The following TMEM179 variants were observed in gnomAD, a reference collection of about 807,000 sequenced individuals.
The protein encoded by TMEM179 is transmembrane protein 179A.
A neutral mutation model predicts 22.2 loss-of-function variants in TMEM179; 17 were observed. That is an observed-to-expected ratio of 0.77 (90% CI 0.52 to 1.15). The LOEUF is 1.15. TMEM179 is among the 50% of genes most tolerant of loss of function. The pLI, the probability that TMEM179 is intolerant of heterozygous loss-of-function variation, is 0.00. For synonymous variants in TMEM179, 127 were observed against 140.5 expected (o/e 0.90, Z 0.68); for missense variants, 265 against 313.6 (o/e 0.84, Z 1.17).
intron 1 of TMEM179, among the ~76,000 whole-genome samples, chr14:104,600,868 C>A (rs1218010551): frequency 6.6e-6 from 1 of 152,228 alleles, no homozygotes; most frequent in Non-Finnish European, 1.5e-5. Flanking sequence ...GCCTTGCCCT[C>A]ACACTGGCAG....
At chr14:104,594,347 C>T (rs1886945759) in intron 3 of TMEM179, 2 of 1,231,724 alleles carry the variant, frequency 1.6e-6, no homozygotes, top group Non-Finnish European at 2.0e-6. Flanking sequence ...TCAGGCCAGC[C>T]ACGGCCAGCA....
At chr14:104,603,333 C>T (rs1887300980) in intron 1 of TMEM179, among the ~76,000 whole-genome samples, 1 of 152,096 alleles carries the variant, frequency 6.6e-6, no homozygotes, top group South Asian at 2.1e-4. Context: ...TTCTCATCTC[C>T]CACCTGCGTG....
chr14:104,594,848 A>T (rs1886963246), intron 3 of TMEM179: 9 of 1,309,460 alleles, frequency 6.9e-6, no homozygotes, highest in Non-Finnish European at 7.8e-6. Flanking sequence ...CCAGGATCTG[A>T]TGCCTGGTTT....
chr14:104,597,187 C>A lies in TMEM179; in HGVS notation c.306-60G>T. On this transcript the variant is annotated intron_variant, in intron 1 of 3. Transcript: ENST00000556573. The surrounding 1 kb of genome is among the most constrained non-coding windows in gnomAD (Gnocchi z 4.8). ...ACACCACCTCCCAGGCGACCCCCGC[C>A]CCCAGGCTGCAGCCAGAAACAGGAG... is the stretch of plus-strand genomic sequence containing the variant. 6.6e-7 allele frequency: 1 copy of A among 1,519,694 alleles called. No individual in the cohort carries two copies. 94.1% of individuals were successfully genotyped at this position (1,519,694 alleles called of 1,614,324 possible).
rs1887069109 is a variant in TMEM179, at chr14:104,597,374, ACCTTCCCAAAGACCCAGGACCTGGAAC to A, written c.306-274_306-248del. 1.3e-5 allele frequency among the ~76,000 whole-genome samples: 2 copies of A among 151,932 alleles called. No homozygotes were observed. The highest frequency in any genetic ancestry group is 6.5e-5 in the Admixed American group (1 of 15,274). ...GTGCCCACCCTGGGCTGCAGGTCAC[ACCTTCCCAAAGACCCAGGACCTGGAAC>A]CCTGGTCCCCACCATTTCATAAAAG... On this transcript the variant is annotated intron_variant, in intron 1 of 3. Transcript: ENST00000556573. The surrounding 1 kb of genome is among the most constrained non-coding windows in gnomAD (Gnocchi z 4.8).
At position 104,595,117 on chromosome 14, in the gene TMEM179, G is replaced by A; in HGVS notation, c.522+48C>T. ...CTCAGCAAATGTCCAGCAGTAAATGGCCCCCTCCCAGCATTGCAAGCCTCC... is the reference window on the plus strand; with the variant it reads ...CTCAGCAAATGTCCAGCAGTAAATGACCCCCTCCCAGCATTGCAAGCCTCC... On this transcript the variant is annotated intron_variant, in intron 3 of 3. Coordinates refer to ENST00000556573, the MANE Select transcript of TMEM179 (RefSeq NM_001286389.2). The surrounding 1 kb of genome is among the most constrained non-coding windows in gnomAD (Gnocchi z 5.7). 6 of 1,611,892 alleles carry A rather than the reference G, an allele frequency of 3.7e-6. No individual in the cohort carries two copies. The highest frequency in any genetic ancestry group is 5.1e-6 in the Non-Finnish European group (6 of 1,179,086).
chr14:104,596,902 G>C (rs1002667666), intron 2 of TMEM179, 88 bp downstream of exon 2: 1 of 1,519,566 alleles, frequency 6.6e-7, no homozygotes, highest in East Asian at 2.3e-5. Context: ...GATGGGCTTC[G>C]TGAGGGAAGA....
chr14:104,591,295 C>A lies in TMEM179; in HGVS notation c.*2184G>T, dbSNP rs531408904. On this transcript the variant is annotated 3_prime_UTR_variant, in exon 4 of 4. Coordinates refer to ENST00000556573, the MANE Select transcript of TMEM179 (RefSeq NM_001286389.2). The stretch of plus-strand genomic sequence containing the variant: ...GCCAAGCCTCAGGTTCCAGAAGCCA[C>A]CCCTGCCTCCTGCCCCTCCTTCAGG... 4 of 447,270 alleles carry A rather than the reference C, an allele frequency of 8.9e-6. No individual in the cohort carries two copies. The East Asian group carries it at 2.1e-4, about 23-fold the overall frequency. 27.7% of individuals were successfully genotyped at this position (447,270 alleles called of 1,614,324 possible). A position where few individuals can be genotyped will look rare whatever the true frequency, so the allele number is the denominator to read the frequency against.
intron 3 of TMEM179, chr14:104,594,466 C>T: frequency 8.1e-7 from 1 of 1,231,836 alleles, no homozygotes; most frequent in East Asian, 3.2e-5. Flanking sequence ...CCACCCGGCA[C>T]CCCTCATCTG....
At position 104,596,334 on chromosome 14, in the gene TMEM179, C is replaced by A. The variant is rs1277564298; in HGVS notation, c.443+656G>T. Among the ~76,000 whole-genome samples the A allele has an allele frequency of 2.0e-5, 3 of 152,332 alleles. No homozygotes were observed. The East Asian group carries it at 5.8e-4, about 29-fold the overall frequency. On this transcript the variant is annotated intron_variant, in intron 2 of 3. Coordinates refer to ENST00000556573, the MANE Select transcript of TMEM179 (RefSeq NM_001286389.2). ...GGGGCATCCCACTGTGGGGGGCAGG[C>A]AGTCACTGTGCTCCACTCTGGGGCC...
rs766248664 is a variant in TMEM179, at chr14:104,595,063, G to A, written c.522+102C>T. 6.3e-7 allele frequency: 1 copy of A among 1,583,718 alleles called. No homozygotes were observed. On this transcript the variant is annotated intron_variant, in intron 3 of 3. Coordinates refer to ENST00000556573, the MANE Select transcript of TMEM179 (RefSeq NM_001286389.2). The surrounding 1 kb of genome is among the most constrained non-coding windows in gnomAD (Gnocchi z 5.7). ...TGCTAACTACCTTATCCACACAGGA[G>A]CCTGCCTCCTCCTCTGGATGGGGGA...
rs1164297484 is a variant in TMEM179, at chr14:104,595,447, TC to T, written c.444-205del. Among the ~76,000 whole-genome samples, 1 of 152,068 alleles carries T rather than the reference TC, an allele frequency of 6.6e-6. No individual in the cohort carries two copies. The highest frequency in any genetic ancestry group is 2.4e-5 in the African/African-American group (1 of 41,410). ...AGGACAGCCTTTGGGGAAGGAAACC[TC>T]CAGGCCCCTCCCTGTCCTGGCCCTG... On this transcript the variant is annotated intron_variant, in intron 2 of 3. Transcript: ENST00000556573. The surrounding 1 kb of genome is among the most constrained non-coding windows in gnomAD (Gnocchi z 5.7).
intron 3 of TMEM179, 139 bp from the exon 4 acceptor site, chr14:104,593,797 G>T: frequency 9.7e-7 from 1 of 1,028,634 alleles, no homozygotes; most frequent in Non-Finnish European, 1.3e-6. Flanking sequence ...ACATGGGGCA[G>T]GGCCAGCTCC....
chr14:104,591,273 A>G lies in TMEM179; in HGVS notation c.*2206T>C, dbSNP rs1193756078. The G allele has an allele frequency of 1.6e-5, 7 of 434,506 alleles. No individual in the cohort carries two copies. Among genetic ancestry groups the G allele is most frequent in the Non-Finnish European group, 2.7e-5 (6 of 218,528 alleles). 26.9% of individuals were successfully genotyped at this position (434,506 alleles called of 1,614,324 possible). On this transcript the variant is annotated 3_prime_UTR_variant, in exon 4 of 4. Coordinates refer to ENST00000556573, the MANE Select transcript of TMEM179 (RefSeq NM_001286389.2). ...CCCAAGAACAGACCCAACCGGGGCC[A>G]AGCCTCAGGTTCCAGAAGCCACCCC...
At chr14:104,603,189 G>A (rs1318217837) in intron 1 of TMEM179, among the ~76,000 whole-genome samples, 1 of 152,116 alleles carries the variant, frequency 6.6e-6, no homozygotes, top group Non-Finnish European at 1.5e-5. Context: ...CATAGCCCTG[G>A]CTCCCTCCCT....
In TMEM179 at chr14:104,595,920, G is replaced by A. The variant is rs1566743042; in HGVS notation, c.444-677C>T. Among the ~76,000 whole-genome samples the A allele has an allele frequency of 6.6e-6, 1 of 152,272 alleles. No homozygotes were observed. Among genetic ancestry groups the A allele is most frequent in the Non-Finnish European group, 1.5e-5 (1 of 68,044 alleles). ...GGGGGCCCAGCGGCCCCAAATCCCT[G>A]GAGGGGCTGAAGGGCTGGAAACAGT... On this transcript the variant is annotated intron_variant, in intron 2 of 3. Transcript: ENST00000556573. This position sits in a 1 kb window ranked among gnomAD's most constrained non-coding sequence, Gnocchi z 5.7.
In TMEM179 at chr14:104,592,564, AGT is replaced by A. The variant is rs1886884070; in HGVS notation, c.*913_*914del. Reference sequence around the variant, plus strand: ...CATGCAGTCACACACTCTCACATGCAGTCACACCCTCTCGTGCACACTCAGTG... The same window carrying A: ...CATGCAGTCACACACTCTCACATGCACACACCCTCTCGTGCACACTCAGTG... On this transcript the variant is annotated 3_prime_UTR_variant, in exon 4 of 4. Coordinates refer to ENST00000556573, the MANE Select transcript of TMEM179 (RefSeq NM_001286389.2). 6.5e-6 allele frequency: 1 copy of A among 154,122 alleles called. No individual in the cohort carries two copies. The highest frequency in any genetic ancestry group is 1.8e-4 in the South Asian group (1 of 5,490). 9.5% of individuals were successfully genotyped at this position (154,122 alleles called of 1,614,324 possible). A position where few individuals can be genotyped will look rare whatever the true frequency, so the allele number is the denominator to read the frequency against.
rs906603468 is a variant in TMEM179 at position 104,597,720 on chromosome 14, A to C, written c.306-593T>G. 6.6e-6 allele frequency among the ~76,000 whole-genome samples: 1 copy of C among 152,130 alleles called. No homozygotes were observed. The highest frequency in any genetic ancestry group is 1.5e-5 in the Non-Finnish European group (1 of 68,018). ...ACCTGGATCCCAGCCTGGATCGCAG[A>C]CCTCTAGCCTCCGGAAGTGTGAGCA... On this transcript the variant is annotated intron_variant, in intron 1 of 3. Transcript: ENST00000556573. The surrounding 1 kb of genome is among the most constrained non-coding windows in gnomAD (Gnocchi z 4.8).
At chr14:104,596,412 T>A (rs1268589298) in intron 2 of TMEM179, among the ~76,000 whole-genome samples, 1 of 152,062 alleles carries the variant, frequency 6.6e-6, no homozygotes, top group South Asian at 2.1e-4. Flanking sequence ...CCACCATGGC[T>A]CAAAGGCCTC....
Sources: allele counts gnomAD v4.1 joint callset (sites outside exome capture counted in the v4.1 genomes callset), GRCh38; gene constraint gnomAD v4.1.1; non-coding constraint Gnocchi (gnomAD v3.1); transcripts MANE v1.5; gene names NCBI Gene and HGNC (gene_info 2026-07-23, HGNC 2026-07-21).